The following CREB5 variants were observed in gnomAD, a reference collection of about 807,000 sequenced individuals.
CREB5 encodes cAMP responsive element binding protein 5, also known as cyclic AMP-responsive element-binding protein 5.
A neutral mutation model predicts 57.1 loss-of-function variants in CREB5; 19 were observed. The ratio of observed to expected loss-of-function variants is 0.33; its 90% CI spans 0.23 to 0.49. The LOEUF (loss-of-function observed/expected upper bound fraction) is 0.49. CREB5 is among the 20% of genes least tolerant of loss of function. CREB5 has a pLI of 0.99. For synonymous variants in CREB5, 238 were observed against 238.3 expected (o/e 1.00, Z 0.01); for missense variants, 579 against 671.6 (o/e 0.86, Z 1.52).
chr7:28,511,405 C>G (rs1025470431), intron 4 of CREB5, among the ~76,000 whole-genome samples: 1 of 152,072 alleles, frequency 6.6e-6, no homozygotes, highest in African/African-American at 2.4e-5. Context: ...GCTAGAGATC[C>G]GGGTCTGGGA....
Position 28,718,860 on chromosome 7 carries a change from C to T in CREB5, c.572C>T (p.Ser191Phe). ...CTGCCCAACCCTACAATGCCAGGAT[C>T]TTCCGCCGTCTTGATGCCAGTAAGT... ...GTLPNPTMPGSSAVLMPMERQ... is the reference protein window; with the variant it reads ...GTLPNPTMPGFSAVLMPMERQ... Residue 191 changes from serine (S) to phenylalanine (F), a missense_variant, in exon 6 of 11, where the codon TCT becomes TTT. Ser to Phe is a radical substitution (Grantham distance 155). Coordinates refer to ENST00000357727, the MANE Select transcript of CREB5 (RefSeq NM_182898.4). The T allele has an allele frequency of 6.2e-7, 1 of 1,614,130 alleles. No homozygotes were observed. Among genetic ancestry groups the T allele is most frequent in the Non-Finnish European group, 8.5e-7 (1 of 1,179,950 alleles).
chr7:28,363,823 G>A (rs1786534669), intron 1 of CREB5, among the ~76,000 whole-genome samples: 1 of 152,214 alleles, frequency 6.6e-6, no homozygotes, highest in Admixed American at 6.5e-5. Context: ...GTTCTCATCT[G>A]TGAAATGGAG....
At chr7:28,662,540 C>A (rs768733566) in intron 5 of CREB5, among the ~76,000 whole-genome samples, 1 of 152,104 alleles carries the variant, frequency 6.6e-6, no homozygotes, top group East Asian at 1.9e-4. Flanking sequence ...TCTTCGGGGG[C>A]CAAACCATAA....
chr7:28,819,124 A>C lies in CREB5; in HGVS notation c.1372A>C (p.Ser458Arg). ...KESQGYLSPE[S>R]SPPASPVPAC... Reference sequence around the variant, plus strand: ...TTTTTTTTTCTCCCTAGGTCCAGAGAGTAGCCCTCCTGCTAGTCCTGTCCC... The same window carrying C: ...TTTTTTTTTCTCCCTAGGTCCAGAGCGTAGCCCTCCTGCTAGTCCTGTCCC... The change falls in exon 11 of 11, where the codon AGT becomes CGT. Residue 458 changes from serine (S) to arginine (R), a missense_variant. Transcript: ENST00000357727. 6.2e-7 allele frequency: 1 copy of C among 1,613,244 alleles called. No individual in the cohort carries two copies. The highest frequency in any genetic ancestry group is 8.5e-7 in the Non-Finnish European group (1 of 1,179,556).
chr7:28,618,473 T>C (rs1797674786), intron 5 of CREB5, among the ~76,000 whole-genome samples: 1 of 152,228 alleles, frequency 6.6e-6, no homozygotes. Context: ...GCTGCTCTGA[T>C]TTCAGGCCTG....
At chr7:28,437,619 T>G (rs1356012663) in intron 1 of CREB5, among the ~76,000 whole-genome samples, 1 of 152,164 alleles carries the variant, frequency 6.6e-6, no homozygotes, top group African/African-American at 2.4e-5. Flanking sequence ...AAAGCACAGC[T>G]AATTTTACCT....
chr7:28,586,736 C>A (rs974629924), intron 5 of CREB5, among the ~76,000 whole-genome samples: 2 of 152,186 alleles, frequency 1.3e-5, no homozygotes, highest in Middle Eastern at 3.2e-3. Flanking sequence ...ATTTAATAAG[C>A]CTTCTAAAAG....
chr7:28,445,557 T>C (rs1320295351), intron 1 of CREB5, among the ~76,000 whole-genome samples: 3 of 151,884 alleles, frequency 2.0e-5, no homozygotes, highest in Non-Finnish European at 4.4e-5. Flanking sequence ...TTTTTCTTTT[T>C]TTTTTTTTAT....
intron 5 of CREB5, among the ~76,000 whole-genome samples, chr7:28,671,366 T>G (rs1384071649): frequency 6.6e-6 from 1 of 152,226 alleles, no homozygotes; most frequent in Non-Finnish European, 1.5e-5. Context: ...TCCTGCTTTC[T>G]ATGATCTCTT....
rs996817627 is a variant in CREB5, at chr7:28,610,512, G to C, written c.464+39975G>C. 3.9e-5 allele frequency among the ~76,000 whole-genome samples: 6 copies of C among 152,116 alleles called. No individual in the cohort carries two copies. The East Asian group carries it at 5.8e-4, about 15-fold the overall frequency. ...GGAAAATTTACTGCCTAAACAGAGG[G>C]ACCTAAATCCCCCAGGCTAAATAAA... On this transcript the variant is annotated intron_variant, in intron 5 of 10. Transcript: ENST00000357727.
intron 1 of CREB5, among the ~76,000 whole-genome samples, chr7:28,474,186 C>T (rs1270065337): frequency 6.6e-6 from 1 of 152,048 alleles, no homozygotes; most frequent in African/African-American, 2.4e-5. Flanking sequence ...TTGAGTATTA[C>T]TAGTAGTAGG....
intron 5 of CREB5, among the ~76,000 whole-genome samples, chr7:28,573,533 G>C (rs1013795399): frequency 6.6e-6 from 1 of 152,198 alleles, no homozygotes; most frequent in African/African-American, 2.4e-5. Context: ...TCATGGCTGA[G>C]ACTTTGTGGG....
chr7:28,401,226 G>A (rs549437240), intron 1 of CREB5, among the ~76,000 whole-genome samples: 2 of 151,990 alleles, frequency 1.3e-5, no homozygotes, highest in African/African-American at 4.8e-5. Flanking sequence ...TGAGATAGGT[G>A]AAGCTTTTGA....
chr7:28,697,627 C>G (rs1253041891), intron 5 of CREB5, among the ~76,000 whole-genome samples: 1 of 151,888 alleles, frequency 6.6e-6, no homozygotes, highest in Non-Finnish European at 1.5e-5. Flanking sequence ...ATTCATCTAA[C>G]AAAATGCAAT....
intron 1 of CREB5, among the ~76,000 whole-genome samples, chr7:28,468,052 G>A (rs1208414630): frequency 6.6e-6 from 1 of 152,188 alleles, no homozygotes; most frequent in Non-Finnish European, 1.5e-5. Context: ...TGGGTACAGT[G>A]TGAGTTGGTG....
intron 7 of CREB5, among the ~76,000 whole-genome samples, chr7:28,780,912 A>G (rs1013046881): frequency 6.6e-6 from 1 of 152,254 alleles, no homozygotes; most frequent in Admixed American, 6.5e-5. Flanking sequence ...ACAAAACAGT[A>G]AAATATATTC....
chr7:28,699,858 C>T (rs1245689088), intron 5 of CREB5, among the ~76,000 whole-genome samples: 1 of 152,118 alleles, frequency 6.6e-6, no homozygotes, highest in Non-Finnish European at 1.5e-5. Flanking sequence ...CTCCCACTTA[C>T]CCCAAATGTC....
intron 1 of CREB5, among the ~76,000 whole-genome samples, chr7:28,438,931 C>T (rs1173940793): frequency 2.6e-5 from 4 of 152,166 alleles, no homozygotes; most frequent in African/African-American, 9.7e-5. Context: ...AACAGAGATA[C>T]TTCTAAAACT....
intron 1 of CREB5, among the ~76,000 whole-genome samples, chr7:28,445,033 G>T (rs73075810): frequency 0.14 from 20,712 of 152,186 alleles, 2,195 homozygotes; most frequent in East Asian, 0.49. Context: ...GAATCATGAG[G>T]TTGGGCGTTT....
Sources: allele counts gnomAD v4.1 joint callset (sites outside exome capture counted in the v4.1 genomes callset), GRCh38; gene constraint gnomAD v4.1.1; transcripts MANE v1.5; gene names NCBI Gene and HGNC (gene_info 2026-07-23, HGNC 2026-07-21).